RNF144B: variants seen among roughly 807,000 people sequenced by gnomAD.
The protein encoded by RNF144B is E3 ubiquitin-protein ligase RNF144B.
RNF144B carries 25 observed loss-of-function variants against 40.2 expected under a neutral mutation model. That is an observed-to-expected ratio of 0.62 (90% CI 0.45 to 0.87). RNF144B has a LOEUF of 0.87. Among genes scored for constraint, RNF144B ranks in the 40% least tolerant of loss-of-function variants. The probability of loss-of-function intolerance (pLI) is 0.00; values close to 1 mark genes in which losing one functional copy is unlikely to be tolerated. For missense variants in RNF144B, 365 were observed against 373.7 expected, an observed-to-expected ratio of 0.98 and a Z score of 0.19; for synonymous variants, 145 against 136.3, an observed-to-expected ratio of 1.06 and a Z score of -0.44.
At chr6:18,417,644 A>G (rs904412545) in intron 2 of RNF144B, among the ~76,000 whole-genome samples, 2 of 152,176 alleles carry the variant, frequency 1.3e-5, no homozygotes, top group African/African-American at 4.8e-5. Flanking sequence ...AACATAGGAA[A>G]ATAGAAAAAT....
intron 2 of RNF144B, among the ~76,000 whole-genome samples, chr6:18,415,738 G>T (rs998958877): frequency 2.5e-4 from 38 of 152,006 alleles, no homozygotes; most frequent in Non-Finnish European, 2.9e-4. Flanking sequence ...AGTACTCAAT[G>T]TGTTTGCTTA....
chr6:18,448,218 G>C lies in RNF144B; in HGVS notation c.331+8474G>C, dbSNP rs79080768. On this transcript the variant is annotated intron_variant, in intron 4 of 7. Transcript: ENST00000259939. This position sits in a 1 kb window ranked among gnomAD's most constrained non-coding sequence, Gnocchi z 4.0. Reference sequence around the variant, plus strand: ...GAAAGGGATGATACAGGAGAGGGAGGGGGGAGGTAATTGCAGAAGCCAAAT... The same window carrying C: ...GAAAGGGATGATACAGGAGAGGGAGCGGGGAGGTAATTGCAGAAGCCAAAT... 3.9e-5 allele frequency among the ~76,000 whole-genome samples: 6 copies of C among 152,168 alleles called. No individual in the cohort carries two copies. In the East Asian group the frequency reaches 5.8e-4, roughly 15 times the overall value.
Position 18,387,369 on chromosome 6 carries a change from C to G in RNF144B, c.-298C>G, listed in dbSNP as rs529222645. ...GCTGGCGAGCTGTGCCCCACGCTCCCGCTGCAACAGTCCCGGGCATCGCAG... is the reference window on the plus strand; with the variant it reads ...GCTGGCGAGCTGTGCCCCACGCTCCGGCTGCAACAGTCCCGGGCATCGCAG... On this transcript the variant is annotated 5_prime_UTR_variant, in exon 1 of 8. Transcript: ENST00000259939. The G allele has an allele frequency of 3.0e-5, 35 of 1,155,788 alleles. No individual in the cohort carries two copies. Among genetic ancestry groups the G allele is most frequent in the South Asian group, 3.2e-5 (2 of 61,558 alleles). 71.6% of individuals were successfully genotyped at this position (1,155,788 alleles called of 1,614,324 possible). A position where few individuals can be genotyped will look rare whatever the true frequency, so the allele number is the denominator to read the frequency against.
At chr6:18,397,650 A>C (rs1794720262) in intron 1 of RNF144B, among the ~76,000 whole-genome samples, 1 of 152,018 alleles carries the variant, frequency 6.6e-6, no homozygotes, top group South Asian at 2.1e-4. Flanking sequence ...TGGGGAGACA[A>C]ATTTTGTTTC....
At chr6:18,462,191 C>G (rs755391955) in intron 6 of RNF144B, among the ~76,000 whole-genome samples, 3 of 152,216 alleles carry the variant, frequency 2.0e-5, no homozygotes, top group Non-Finnish European at 2.9e-5. Context: ...AGCCTAATCA[C>G]CTCTTGCTAC....
At chr6:18,452,469 TG>T (rs1759229896) in intron 4 of RNF144B, among the ~76,000 whole-genome samples, 1 of 152,158 alleles carries the variant, frequency 6.6e-6, no homozygotes, top group Non-Finnish European at 1.5e-5. Flanking sequence ...ATTGTGTATA[TG>T]GAGAAGAATA....
chr6:18,453,841 A>C (rs1006858439), intron 4 of RNF144B, among the ~76,000 whole-genome samples: 1 of 152,206 alleles, frequency 6.6e-6, no homozygotes, highest in African/African-American at 2.4e-5. Context: ...TGAACTGGGT[A>C]CTTGCTTGCT....
chr6:18,395,542 A>G lies in RNF144B; in HGVS notation c.-36-3957A>G, dbSNP rs1315798745. Among the ~76,000 whole-genome samples, 2 of 152,052 alleles carry G rather than the reference A, an allele frequency of 1.3e-5. No individual in the cohort carries two copies. The highest frequency in any genetic ancestry group is 2.9e-5 in the Non-Finnish European group (2 of 68,022). On this transcript the variant is annotated intron_variant, in intron 1 of 7. Coordinates refer to ENST00000259939, the MANE Select transcript of RNF144B (RefSeq NM_182757.4). The surrounding 1 kb of genome is among the most constrained non-coding windows in gnomAD (Gnocchi z 4.5). Reference sequence around the variant, plus strand: ...TACTGATTGAAGAGCTCATTTTGCAATGAATCAATGGTGAAAGGATTTCTT... The same window carrying G: ...TACTGATTGAAGAGCTCATTTTGCAGTGAATCAATGGTGAAAGGATTTCTT...
At chr6:18,454,371 G>A (rs770986177) in intron 4 of RNF144B, among the ~76,000 whole-genome samples, 5 of 152,204 alleles carry the variant, frequency 3.3e-5, no homozygotes, top group Non-Finnish European at 7.4e-5. Context: ...TGGGAGAGAT[G>A]TTGAATAGAC....
rs4716243 is a variant in RNF144B at position 18,410,550 on chromosome 6, G to T, written c.165+10851G>T. On this transcript the variant is annotated intron_variant, in intron 2 of 7. Transcript: ENST00000259939. The surrounding 1 kb of genome is among the most constrained non-coding windows in gnomAD (Gnocchi z 4.6). ...GGGAAAAGAGGCCAGCCACATGTGA[G>T]AACACAGAATCAGGGAAGAGTGACC... Among the ~76,000 whole-genome samples, 16,109 of 152,156 alleles carry T rather than the reference G, an allele frequency of 0.11. 1,354 individuals carry two copies. Among genetic ancestry groups the T allele is most frequent in the East Asian group, 0.32 (1,623 of 5,150 alleles).
chr6:18,433,626 T>C (rs907220386), intron 3 of RNF144B, among the ~76,000 whole-genome samples: 2 of 152,178 alleles, frequency 1.3e-5, no homozygotes, highest in Non-Finnish European at 2.9e-5. Context: ...GAGACTTCTA[T>C]AGCACATGTG....
At chr6:18,408,434 T>G (rs1001990530) in intron 2 of RNF144B, among the ~76,000 whole-genome samples, 1 of 152,248 alleles carries the variant, frequency 6.6e-6, no homozygotes, top group Non-Finnish European at 1.5e-5. Context: ...TACTAGTTAC[T>G]ATTTTAATAT....
intron 4 of RNF144B, among the ~76,000 whole-genome samples, chr6:18,451,538 G>T (rs1376112833): frequency 6.6e-6 from 1 of 152,242 alleles, no homozygotes; most frequent in Non-Finnish European, 1.5e-5. Flanking sequence ...GAAGAAAAGA[G>T]AGGGCAGGGC....
chr6:18,463,519 G>A (rs1759514326), intron 7 of RNF144B, 139 bp downstream of exon 7: 4 of 620,948 alleles, frequency 6.4e-6, no homozygotes, highest in Non-Finnish European at 1.2e-5. Context: ...TTAGGGCAGG[G>A]CTAGGGAAAA....
At position 18,457,345 on chromosome 6, in the gene RNF144B, G is replaced by A; in HGVS notation, c.522G>A (p.Leu174=). 2 of 1,613,438 alleles carry A rather than the reference G, an allele frequency of 1.2e-6. No homozygotes were observed. The highest frequency in any genetic ancestry group is 1.7e-6 in the Non-Finnish European group (2 of 1,179,366). Residue 174 remains leucine (L), a synonymous_variant, in exon 5 of 8, where the codon CTG becomes CTA. Transcript: ENST00000259939. The surrounding 1 kb of genome is among the most constrained non-coding windows in gnomAD (Gnocchi z 5.1). ...GTAGAGACAGTCAGCCTATTGTCCT[G>A]CCAACAGAGCACCGGTAAGAAAGGA... ...VSCRDSQPIV[L]PTEHRALFGT... is the part of the protein sequence containing the mutation.
At chr6:18,421,948 T>C (rs1438427436) in intron 2 of RNF144B, among the ~76,000 whole-genome samples, 1 of 152,180 alleles carries the variant, frequency 6.6e-6, no homozygotes, top group Admixed American at 6.5e-5. Flanking sequence ...CCTTTAATCA[T>C]TTGGTGCCAG....
chr6:18,408,789 G>A (rs1794967389), intron 2 of RNF144B, among the ~76,000 whole-genome samples: 2 of 152,034 alleles, frequency 1.3e-5, no homozygotes, highest in African/African-American at 4.8e-5. Flanking sequence ...TTCCTTATAG[G>A]CATGACTTTG....
intron 4 of RNF144B, among the ~76,000 whole-genome samples, chr6:18,451,160 C>G (rs1210271466): frequency 6.6e-6 from 1 of 152,046 alleles, no homozygotes; most frequent in Admixed American, 6.6e-5. Context: ...TGCTTGGTTT[C>G]CCTTTTCTTT....
rs1759377259 is a variant in RNF144B at position 18,458,388 on chromosome 6, A to G, written c.536+1029A>G. Among the ~76,000 whole-genome samples the G allele has an allele frequency of 6.6e-6, 1 of 152,202 alleles. No individual in the cohort carries two copies. ...ATTGGCTTAATCACACAGTGCACCC[A>G]GAATGTGTAGAACCAGGCTTCATGA... On this transcript the variant is annotated intron_variant, in intron 5 of 7. Coordinates refer to ENST00000259939, the MANE Select transcript of RNF144B (RefSeq NM_182757.4). The surrounding 1 kb of genome is among the most constrained non-coding windows in gnomAD (Gnocchi z 4.8).
Sources: gnomAD v4.1 joint callset for allele counts (sites outside exome capture counted in the v4.1 genomes callset) on GRCh38, gnomAD v4.1.1 for gene constraint, Gnocchi (gnomAD v3.1) non-coding constraint, MANE v1.5 for transcripts, NCBI Gene and HGNC (gene_info 2026-07-23, HGNC 2026-07-21) for gene names.